The following GRM5 variants were observed in gnomAD, a reference collection of about 807,000 sequenced individuals.
GRM5 encodes the protein metabotropic glutamate receptor 5.
Under a neutral mutation model 83.1 loss-of-function variants are expected in GRM5, and 19 were observed. That is an observed-to-expected ratio of 0.23 (90% CI 0.16 to 0.34). The LOEUF is 0.34. Ranked by LOEUF, GRM5 falls within the 10% of genes least tolerant of loss-of-function variation. The probability of loss-of-function intolerance (pLI) is 1.00; values close to 1 mark genes in which losing one functional copy is unlikely to be tolerated. For missense variants in GRM5, 1,160 were observed against 1,588.3 expected, an observed-to-expected ratio of 0.73 and a Z score of 4.58; for synonymous variants, 675 against 633.6, an observed-to-expected ratio of 1.07 and a Z score of -0.98.
chr11:88,921,311 T>C (rs1384024906), intron 2 of GRM5, among the ~76,000 whole-genome samples: 2 of 152,158 alleles, frequency 1.3e-5, no homozygotes, highest in African/African-American at 4.8e-5. Flanking sequence ...AGCATTCTTT[T>C]ATGGTAAAAA....
intron 2 of GRM5, among the ~76,000 whole-genome samples, chr11:89,008,346 G>T (rs997626414): frequency 1.3e-5 from 2 of 152,076 alleles, no homozygotes; most frequent in African/African-American, 4.8e-5. Context: ...AGTATGCTCA[G>T]ATCTCTATCA....
At chr11:88,704,721 T>C (rs977503949) in intron 3 of GRM5, among the ~76,000 whole-genome samples, 4 of 152,032 alleles carry the variant, frequency 2.6e-5, no homozygotes, top group African/African-American at 9.7e-5. Context: ...GTGCTGAGGA[T>C]GGAAAATGAA....
intron 5 of GRM5, 25 bp downstream of exon 5, chr11:88,604,693 G>T (rs56346772): frequency 6.3e-7 from 1 of 1,587,762 alleles, no homozygotes; most frequent in Non-Finnish European, 8.6e-7. Context: ...TCTCTACTCT[G>T]CAGAGGAGAA....
chr11:88,933,184 G>A lies in GRM5; in HGVS notation c.662-83029C>T, dbSNP rs188985395. On this transcript the variant is annotated intron_variant, in intron 2 of 9. Coordinates refer to ENST00000305447, the MANE Select transcript of GRM5 (RefSeq NM_001143831.3). ...TCAGGTCTGCAATTCAAATATTTGG[G>A]GCATTTTTTTTTTTTTTTTTTTTGC... 2.7e-3 allele frequency among the ~76,000 whole-genome samples: 312 copies of A among 114,488 alleles called. 6 individuals carry two copies. In the East Asian group the frequency reaches 0.075, roughly 27 times the overall value. 75.1% of individuals were successfully genotyped at this position (114,488 alleles called of 152,430 possible).
chr11:88,846,172 T>C (rs935187393), intron 3 of GRM5, among the ~76,000 whole-genome samples: 4 of 152,226 alleles, frequency 2.6e-5, no homozygotes, highest in African/African-American at 7.2e-5. Context: ...CAAATGAAAC[T>C]ATCTTTTCAG....
chr11:88,759,876 C>T (rs1198809172), intron 3 of GRM5, among the ~76,000 whole-genome samples: 2 of 152,104 alleles, frequency 1.3e-5, no homozygotes, highest in Non-Finnish European at 2.9e-5. Flanking sequence ...AACAACTACT[C>T]TCTCAGACCA....
intron 8 of GRM5, among the ~76,000 whole-genome samples, chr11:88,542,602 C>T (rs1942291877): frequency 6.6e-6 from 1 of 152,132 alleles, no homozygotes; most frequent in East Asian, 1.9e-4. Context: ...AAATGATATA[C>T]TTAAACATAT....
At chr11:88,574,864 T>C (rs1943073563) in intron 7 of GRM5, among the ~76,000 whole-genome samples, 2 of 152,102 alleles carry the variant, frequency 1.3e-5, no homozygotes, top group Admixed American at 1.3e-4. Flanking sequence ...CTGGGAAGTA[T>C]GTATAGAGGA....
At chr11:88,572,980 GA>G (rs1943035133) in intron 7 of GRM5, among the ~76,000 whole-genome samples, 1 of 152,200 alleles carries the variant, frequency 6.6e-6, no homozygotes, top group East Asian at 1.9e-4. Context: ...CTGGTTCTCA[GA>G]AAATGCACAG....
chr11:88,866,920 A>C (rs964249161), intron 2 of GRM5, among the ~76,000 whole-genome samples: 3 of 152,172 alleles, frequency 2.0e-5, no homozygotes, highest in Admixed American at 2.0e-4. Flanking sequence ...AGTTTTCTGC[A>C]TAAGGCTAGC....
At chr11:88,825,222 T>A (rs1943874356) in intron 3 of GRM5, among the ~76,000 whole-genome samples, 1 of 151,736 alleles carries the variant, frequency 6.6e-6, no homozygotes. Flanking sequence ...CTACACTGGA[T>A]CCTGAACTTT....
intron 7 of GRM5, among the ~76,000 whole-genome samples, chr11:88,579,916 A>G (rs1406770933): frequency 1.3e-5 from 2 of 152,170 alleles, no homozygotes; most frequent in Admixed American, 1.3e-4. Flanking sequence ...AAAAGTTAGG[A>G]GGTTATTTTC....
At chr11:88,865,415 T>C (rs1462120005) in intron 2 of GRM5, among the ~76,000 whole-genome samples, 1 of 152,144 alleles carries the variant, frequency 6.6e-6, no homozygotes, top group Non-Finnish European at 1.5e-5. Context: ...TAATTCAAGA[T>C]GGATTAAAGA....
At chr11:88,935,599 G>A (rs1937865837) in intron 2 of GRM5, among the ~76,000 whole-genome samples, 2 of 151,992 alleles carry the variant, frequency 1.3e-5, no homozygotes, top group Middle Eastern at 3.4e-3. Flanking sequence ...ATTAGGAAGA[G>A]TGTGATGGTC....
Position 88,517,930 on chromosome 11 carries a change from A to C in GRM5, c.2726+7379T>G, listed in dbSNP as rs139922454. ...TGTGTGCATATAGATGTGTGTGTAC[A>C]TATATATGTCTATTTACAAAATGTT... On this transcript the variant is annotated intron_variant, in intron 9 of 9. Coordinates refer to ENST00000305447, the MANE Select transcript of GRM5 (RefSeq NM_001143831.3). Among the ~76,000 whole-genome samples, 14 of 152,224 alleles carry C rather than the reference A, an allele frequency of 9.2e-5. No individual in the cohort carries two copies. The East Asian group carries it at 2.7e-3, about 29-fold the overall frequency.
intron 2 of GRM5, among the ~76,000 whole-genome samples, chr11:88,869,850 A>T (rs1050501641): frequency 9.2e-5 from 14 of 151,714 alleles, no homozygotes; most frequent in African/African-American, 3.1e-4. Flanking sequence ...AAGGAGGTAA[A>T]TCTGTCAGTA....
chr11:88,774,417 AT>A (rs1942805159), intron 3 of GRM5, among the ~76,000 whole-genome samples: 2 of 152,110 alleles, frequency 1.3e-5, no homozygotes. Flanking sequence ...TGACTTCCTC[AT>A]TTCCTAATTG....
At chr11:88,646,967 G>C (rs1055651148) in intron 4 of GRM5, among the ~76,000 whole-genome samples, 2 of 151,700 alleles carry the variant, frequency 1.3e-5, no homozygotes, top group African/African-American at 2.4e-5. Context: ...CTGGAGGCTA[G>C]AAGTCTGAAA....
chr11:89,044,715 T>C (rs775971974), intron 2 of GRM5, among the ~76,000 whole-genome samples: 11 of 152,018 alleles, frequency 7.2e-5, no homozygotes, highest in Admixed American at 2.0e-4. Flanking sequence ...AGATAAATTA[T>C]CAAGTACTGG....
Sources: gnomAD v4.1 joint callset for allele counts (sites outside exome capture counted in the v4.1 genomes callset) on GRCh38, gnomAD v4.1.1 for gene constraint, MANE v1.5 for transcripts, NCBI Gene and HGNC (gene_info 2026-07-23, HGNC 2026-07-21) for gene names.